PKHD1L1: variants seen among roughly 807,000 people sequenced by gnomAD.
The protein encoded by PKHD1L1 is fibrocystin-L.
In PKHD1L1, 434 loss-of-function variants were observed where a neutral mutation model predicts 462.9. The observed-to-expected ratio is 0.94, with a 90% CI of 0.87 to 1.02. PKHD1L1 has a LOEUF of 1.02. Among genes scored for constraint, PKHD1L1 ranks in the 50% least tolerant of loss-of-function variants. The probability of loss-of-function intolerance (pLI) is 0.00; values close to 1 mark genes in which losing one functional copy is unlikely to be tolerated. For missense variants in PKHD1L1, 5,202 were observed against 5,096.1 expected (o/e 1.02, Z -0.63); for synonymous variants, 1,781 against 1,750.0 (o/e 1.02, Z -0.44).
rs267601720 is a variant in PKHD1L1, at chr8:109,466,622, C to T, written c.8458C>T (p.Pro2820Ser). ...TVIPHSSLLD[P>S]SHCTQEAEWS... ...CATTCCACACAGCTCATTGCTAGAC[C>T]CTTCTCATTGTACTCAGGAAGCTGA... Residue 2820 changes from proline to serine, a missense_variant, in exon 50 of 78, where the codon CCT becomes TCT. Pro to Ser is a moderately conservative substitution (Grantham distance 74, BLOSUM62 -1). Coordinates refer to ENST00000378402, the MANE Select transcript of PKHD1L1 (RefSeq NM_177531.6). The T allele has an allele frequency of 6.2e-7, 1 of 1,610,064 alleles. No homozygotes were observed. The highest frequency in any genetic ancestry group is 2.2e-5 in the East Asian group (1 of 44,664).
At chr8:109,450,473 A>T (rs753826485) in intron 40 of PKHD1L1, among the ~76,000 whole-genome samples, 10 of 152,158 alleles carry the variant, frequency 6.6e-5, no homozygotes, top group South Asian at 4.1e-4. Flanking sequence ...AATCCTGATT[A>T]AAAAATATAT....
At position 109,375,571 on chromosome 8, in the gene PKHD1L1, G is replaced by A. The variant is rs575952483; in HGVS notation, c.164-5799G>A. Among the ~76,000 whole-genome samples, 6 of 152,230 alleles carry A rather than the reference G, an allele frequency of 3.9e-5. No individual in the cohort carries two copies. The South Asian group carries it at 1.2e-3, about 32-fold the overall frequency. On this transcript the variant is annotated intron_variant, in intron 2 of 77. Transcript: ENST00000378402. ...AGCTGTGTTCCTTTGGAGGAGGAGAGGTGCTCTGATTTTTAGAGTTTCCAG... is the reference window on the plus strand; with the variant it reads ...AGCTGTGTTCCTTTGGAGGAGGAGAAGTGCTCTGATTTTTAGAGTTTCCAG...
rs55959787 is a variant in PKHD1L1 at position 109,534,872 on chromosome 8, G to T, written c.*4782G>T. On this transcript the variant is annotated 3_prime_UTR_variant, in exon 78 of 78. Transcript: ENST00000378402. ...GATGGTCATGGAGAAACTGTTCTAAGAACGCCATTCACCCATGAATGTGAC... is the reference window on the plus strand; with the variant it reads ...GATGGTCATGGAGAAACTGTTCTAATAACGCCATTCACCCATGAATGTGAC... Among the ~76,000 whole-genome samples the T allele has an allele frequency of 6.6e-6, 1 of 151,476 alleles. No individual in the cohort carries two copies. The highest frequency in any genetic ancestry group is 2.4e-5 in the African/African-American group (1 of 41,192).
chr8:109,509,909 C>A (rs1819881739), intron 70 of PKHD1L1, among the ~76,000 whole-genome samples: 1 of 151,930 alleles, frequency 6.6e-6, no homozygotes, highest in Admixed American at 6.6e-5. Flanking sequence ...CAATTCATTC[C>A]ATATTTCACT....
At chr8:109,387,979 C>T (rs1354901260) in intron 6 of PKHD1L1, among the ~76,000 whole-genome samples, 1 of 152,180 alleles carries the variant, frequency 6.6e-6, no homozygotes, top group Non-Finnish European at 1.5e-5. Flanking sequence ...TTCCCTGCAG[C>T]TGAACTCTGG....
At position 109,496,949 on chromosome 8, in the gene PKHD1L1, A is replaced by T. The variant is rs1819119142; in HGVS notation, c.10358A>T (p.Asp3453Val). ...GQFNPVEKWFDNEAHGGLYGI... is the reference protein window; with the variant it reads ...GQFNPVEKWFVNEAHGGLYGI... ...TTTAATCCTGTGGAAAAGTGGTTTG[A>T]CAATGAAGCCCATGGAGGTTTATAT... The change falls in exon 64 of 78, where the codon GAC becomes GTC. Residue 3453 changes from aspartate to valine, a missense_variant. By Grantham distance (152) the Asp-to-Val change is radical (BLOSUM62 -3). Coordinates refer to ENST00000378402, the MANE Select transcript of PKHD1L1 (RefSeq NM_177531.6). 6.2e-7 allele frequency: 1 copy of T among 1,613,432 alleles called. No homozygotes were observed.
At chr8:109,396,476 A>T (rs1812981822) in intron 11 of PKHD1L1, among the ~76,000 whole-genome samples, 1 of 152,124 alleles carries the variant, frequency 6.6e-6, no homozygotes, top group Non-Finnish European at 1.5e-5. Context: ...CCTTTTTTGA[A>T]TGGTTGTTAT....
intron 28 of PKHD1L1, among the ~76,000 whole-genome samples, chr8:109,434,573 A>G (rs1006116795): frequency 1.3e-5 from 2 of 151,924 alleles, no homozygotes; most frequent in Non-Finnish European, 2.9e-5. Flanking sequence ...GGTTCAAGTG[A>G]TTCTTCTGCC....
chr8:109,432,973 C>A, intron 27 of PKHD1L1, 133 bp from the exon 28 acceptor site: 2 of 622,222 alleles, frequency 3.2e-6, no homozygotes, highest in Non-Finnish European at 5.5e-6. Flanking sequence ...ATTTTTCTCC[C>A]TGCTCTCCTG....
chr8:109,441,630 A>G (rs1815799677), intron 34 of PKHD1L1, among the ~76,000 whole-genome samples: 2 of 151,952 alleles, frequency 1.3e-5, no homozygotes, highest in African/African-American at 4.8e-5. Context: ...TAGTACAGAA[A>G]CTCCCAGATT....
chr8:109,383,130 A>C (rs1451590073), intron 4 of PKHD1L1, among the ~76,000 whole-genome samples: 7 of 98,690 alleles, frequency 7.1e-5, no homozygotes, highest in Non-Finnish European at 1.1e-4. Context: ...ATATAGTTAT[A>C]TATATTATTG....
chr8:109,421,555 G>A (rs1315137611), intron 23 of PKHD1L1, among the ~76,000 whole-genome samples: 3 of 152,108 alleles, frequency 2.0e-5, no homozygotes, highest in Non-Finnish European at 4.4e-5. Flanking sequence ...GGCCGAGACG[G>A]GCGGATCATG....
At chr8:109,410,002 G>A (rs1813754499) in intron 19 of PKHD1L1, 24 bp downstream of exon 19, 11 of 1,216,532 alleles carry the variant, frequency 9.0e-6, no homozygotes, top group Non-Finnish European at 1.3e-5. Flanking sequence ...AATGAACTGT[G>A]AAACTGACCT....
Position 109,536,904 on chromosome 8 carries a change from C to G in PKHD1L1, c.*6814C>G, listed in dbSNP as rs1045712412. On this transcript the variant is annotated 3_prime_UTR_variant, in exon 78 of 78. Transcript: ENST00000378402. Reference sequence around the variant, plus strand: ...ATCTGCTTCAGACTGTTTGATTTCTCTATTAGGCAATTGACCCTAACTAGT... The same window carrying G: ...ATCTGCTTCAGACTGTTTGATTTCTGTATTAGGCAATTGACCCTAACTAGT... Among the ~76,000 whole-genome samples, 1 of 152,066 alleles carries G rather than the reference C, an allele frequency of 6.6e-6. No homozygotes were observed.
intron 76 of PKHD1L1, among the ~76,000 whole-genome samples, chr8:109,523,688 A>T (rs768583196): frequency 6.6e-6 from 1 of 152,200 alleles, no homozygotes; most frequent in Non-Finnish European, 1.5e-5. Flanking sequence ...AAAAATTAAC[A>T]TACAGATTTT....
intron 2 of PKHD1L1, among the ~76,000 whole-genome samples, chr8:109,373,521 C>G (rs915714479): frequency 6.6e-6 from 1 of 152,062 alleles, no homozygotes; most frequent in East Asian, 1.9e-4. Flanking sequence ...CTGCTCTGAT[C>G]TTAGTTATTT....
intron 11 of PKHD1L1, 62 bp downstream of exon 11, chr8:109,396,199 A>G: frequency 9.0e-7 from 1 of 1,107,632 alleles, no homozygotes; most frequent in South Asian, 1.4e-5. Flanking sequence ...CTCTTTAATA[A>G]TTTGTAATAA....
At chr8:109,435,455 C>A in intron 29 of PKHD1L1, 101 bp downstream of exon 29, 2 of 1,270,642 alleles carry the variant, frequency 1.6e-6, no homozygotes, top group Non-Finnish European at 1.1e-6. Flanking sequence ...CCCAAAGCTT[C>A]CTCTTATAGA....
chr8:109,418,416 G>T (rs138612559), intron 21 of PKHD1L1, among the ~76,000 whole-genome samples: 1 of 152,236 alleles, frequency 6.6e-6, no homozygotes, highest in Non-Finnish European at 1.5e-5. Flanking sequence ...AACTACAGTG[G>T]TAGCTGATGA....
Sources: allele counts gnomAD v4.1 joint callset (sites outside exome capture counted in the v4.1 genomes callset), GRCh38; gene constraint gnomAD v4.1.1; transcripts MANE v1.5; gene names NCBI Gene and HGNC (gene_info 2026-07-23, HGNC 2026-07-21).